OSBPL3: variants seen among roughly 807,000 people sequenced by gnomAD.
OSBPL3 encodes oxysterol-binding protein-related protein 3.
Under a neutral mutation model 120.1 loss-of-function variants are expected in OSBPL3, and 65 were observed. The observed-to-expected ratio is 0.54, with a 90% CI of 0.44 to 0.67. The LOEUF (loss-of-function observed/expected upper bound fraction) is 0.67, where lower values mean the gene tolerates loss of function less well. Ranked by LOEUF, OSBPL3 falls within the 30% of genes least tolerant of loss-of-function variation. OSBPL3 has a pLI of 0.00. For missense variants in OSBPL3, 1,004 were observed against 1,082.1 expected (o/e 0.93, Z 1.01); for synonymous variants, 416 against 402.6 (o/e 1.03, Z -0.40).
At chr7:24,976,033 A>G (rs1817549147) in intron 1 of OSBPL3, among the ~76,000 whole-genome samples, 1 of 152,224 alleles carries the variant, frequency 6.6e-6, no homozygotes, top group Admixed American at 6.5e-5. Context: ...CTGGATCGTG[A>G]CTTTAGGCTA....
rs1443981530 is a variant in OSBPL3, at chr7:24,834,031, A to G, written c.1746+455T>C. The G allele has an allele frequency of 3.9e-5, 34 of 876,284 alleles. No individual in the cohort carries two copies. The highest frequency in any genetic ancestry group is 4.4e-5 in the Non-Finnish European group (32 of 730,092). 54.3% of individuals were successfully genotyped at this position (876,284 alleles called of 1,614,324 possible). On this transcript the variant is annotated intron_variant, in intron 15 of 22. Coordinates refer to ENST00000313367, the MANE Select transcript of OSBPL3 (RefSeq NM_015550.4). This position sits in a 1 kb window ranked among gnomAD's most constrained non-coding sequence, Gnocchi z 5.2. ...TGTGAACTTTATTTTCCAAAAACCTAGGAGCTGATGGGACAATTCCAGAAA... is the reference window on the plus strand; with the variant it reads ...TGTGAACTTTATTTTCCAAAAACCTGGGAGCTGATGGGACAATTCCAGAAA...
chr7:24,878,355 G>A (rs6979475), intron 2 of OSBPL3, among the ~76,000 whole-genome samples: 36,335 of 152,094 alleles, frequency 0.24, 4,379 homozygotes, highest in Admixed American at 0.25. Context: ...TGGAAAACGG[G>A]TGTCCTGATT....
At chr7:24,844,121 C>G (rs1395868706) in intron 12 of OSBPL3, among the ~76,000 whole-genome samples, 2 of 152,200 alleles carry the variant, frequency 1.3e-5, no homozygotes, top group Admixed American at 6.5e-5. Context: ...CTGCTGCACC[C>G]CAAGTCTACA....
rs376764380 is a variant in OSBPL3, at chr7:24,871,934, A to T, written c.213+19T>A. 6.4e-7 allele frequency: 1 copy of T among 1,558,520 alleles called. No homozygotes were observed. The highest frequency in any genetic ancestry group is 1.1e-5 in the South Asian group (1 of 89,920). On this transcript the variant is annotated intron_variant, in intron 3 of 22. Coordinates refer to ENST00000313367, the MANE Select transcript of OSBPL3 (RefSeq NM_015550.4). The surrounding 1 kb of genome is among the most constrained non-coding windows in gnomAD (Gnocchi z 4.8). The stretch of plus-strand genomic sequence containing the variant: ...GGCAGTGTGAGTGCAAATAAAGGGG[A>T]GGCCAAGACCAACCTTACCTTATGC...
rs537576436 is a variant in OSBPL3 at position 24,900,483 on chromosome 7, G to A, written c.-149-7862C>T. Among the ~76,000 whole-genome samples the A allele has an allele frequency of 7.7e-4, 118 of 152,288 alleles. 1 individual carries two copies. The highest frequency in any genetic ancestry group is 2.7e-3 in the African/African-American group (114 of 41,552). On this transcript the variant is annotated intron_variant, in intron 1 of 22. Coordinates refer to ENST00000313367, the MANE Select transcript of OSBPL3 (RefSeq NM_015550.4). This position sits in a 1 kb window ranked among gnomAD's most constrained non-coding sequence, Gnocchi z 4.5. ...CAAGAACTTATCAATGAAGATACAT[G>A]AGGACTTAGTGTACATTTGTCAGGG...
intron 1 of OSBPL3, among the ~76,000 whole-genome samples, chr7:24,948,012 A>G (rs1813941139): frequency 6.6e-6 from 1 of 152,216 alleles, no homozygotes; most frequent in South Asian, 2.1e-4. Flanking sequence ...AAATAAAAAA[A>G]TCAAACTAAG....
intron 14 of OSBPL3, among the ~76,000 whole-genome samples, chr7:24,836,824 G>A (rs569532890): frequency 4.6e-5 from 7 of 152,190 alleles, no homozygotes; most frequent in East Asian, 1.9e-4. Context: ...TTCTGAATTT[G>A]TTTTGCTTTT....
rs1808973317 is a variant in OSBPL3 at position 24,912,554 on chromosome 7, C to A, written c.-149-19933G>T. 6.6e-6 allele frequency among the ~76,000 whole-genome samples: 1 copy of A among 152,168 alleles called. No homozygotes were observed. The highest frequency in any genetic ancestry group is 2.4e-5 in the African/African-American group (1 of 41,430). On this transcript the variant is annotated intron_variant, in intron 1 of 22. Coordinates refer to ENST00000313367, the MANE Select transcript of OSBPL3 (RefSeq NM_015550.4). This position sits in a 1 kb window ranked among gnomAD's most constrained non-coding sequence, Gnocchi z 4.5. ...GCAAAAGGCAACTCTCCCATCCTCA[C>A]ACCCAAAGACAGAACAGCCCCAGCA...
intron 1 of OSBPL3, among the ~76,000 whole-genome samples, chr7:24,944,076 TA>T (rs70942898): frequency 0.087 from 10,340 of 118,618 alleles, 815 homozygotes; most frequent in African/African-American, 0.25. Flanking sequence ...CAGTCTAAAG[TA>T]AAAAAAAAAA....
At chr7:24,909,778 T>C (rs1266252080) in intron 1 of OSBPL3, among the ~76,000 whole-genome samples, 6 of 130,038 alleles carry the variant, frequency 4.6e-5, no homozygotes, top group Non-Finnish European at 6.5e-5. Flanking sequence ...GTTTTTTTTT[T>C]CTTTCTTTTT....
intron 10 of OSBPL3, among the ~76,000 whole-genome samples, chr7:24,853,573 T>C (rs1233689440): frequency 6.6e-6 from 1 of 152,240 alleles, no homozygotes; most frequent in African/African-American, 2.4e-5. Context: ...TTGGGATAAC[T>C]GACAGCATTT....
chr7:24,869,073 T>C (rs1264890968), intron 5 of OSBPL3, among the ~76,000 whole-genome samples: 1 of 152,158 alleles, frequency 6.6e-6, no homozygotes, highest in Non-Finnish European at 1.5e-5. Flanking sequence ...GTCTAATAAC[T>C]AGAACGCTCA....
At chr7:24,957,087 C>T (rs556706042) in intron 1 of OSBPL3, among the ~76,000 whole-genome samples, 1 of 152,214 alleles carries the variant, frequency 6.6e-6, no homozygotes, top group Non-Finnish European at 1.5e-5. Context: ...TTAAGCCACT[C>T]TTGAAAGTTT....
rs1011512580 is a variant in OSBPL3 at position 24,804,407 on chromosome 7, A to G, written c.2475T>C (p.Ala825=). 4 of 1,613,810 alleles carry G rather than the reference A, an allele frequency of 2.5e-6. No individual in the cohort carries two copies. The African/African-American group carries it at 4.0e-5, about 16-fold the overall frequency. Residue 825 remains alanine (A), a synonymous_variant, in exon 22 of 23, where the codon GCT becomes GCC. Transcript: ENST00000313367. This position sits in a 1 kb window ranked among gnomAD's most constrained non-coding sequence, Gnocchi z 5.4. The part of the protein sequence containing the change: ...RFLEEGNLEE[A]EIQKQRIEQL... ...GTTCAATCCTCTGCTTTTGTATTTC[A>G]GCTTCTTCTAAGTTCCCTTCCTCTA... is the stretch of plus-strand genomic sequence containing the variant.
chr7:24,846,469 T>G (rs1798461586), intron 12 of OSBPL3, among the ~76,000 whole-genome samples: 2 of 152,212 alleles, frequency 1.3e-5, no homozygotes, highest in South Asian at 4.1e-4. Context: ...AAACAGACAT[T>G]AAAAGAATTA....
intron 20 of OSBPL3, 148 bp from the exon 21 acceptor site, chr7:24,807,050 G>T: frequency 1.5e-6 from 1 of 659,356 alleles, no homozygotes; most frequent in Non-Finnish European, 2.5e-6. Context: ...TAATGAACAG[G>T]CACTGAACAT....
intron 15 of OSBPL3, among the ~76,000 whole-genome samples, chr7:24,832,244 G>A (rs1487788766): frequency 6.8e-6 from 1 of 146,424 alleles, no homozygotes; most frequent in Non-Finnish European, 1.5e-5. Flanking sequence ...AGGCACGGTA[G>A]CTCACACCTG....
chr7:24,807,903 C>A (rs1166779753), intron 20 of OSBPL3, among the ~76,000 whole-genome samples: 1 of 152,094 alleles, frequency 6.6e-6, no homozygotes, highest in Non-Finnish European at 1.5e-5. Context: ...GCAGACCCCC[C>A]CTTTTTTTTT....
chr7:24,889,927 T>A (rs1027950278), intron 2 of OSBPL3, among the ~76,000 whole-genome samples: 3 of 152,170 alleles, frequency 2.0e-5, no homozygotes, highest in African/African-American at 4.8e-5. Flanking sequence ...TCCATCATCA[T>A]CATGGAACAG....
Sources: allele counts gnomAD v4.1 joint callset (sites outside exome capture counted in the v4.1 genomes callset), GRCh38; gene constraint gnomAD v4.1.1; non-coding constraint Gnocchi (gnomAD v3.1); transcripts MANE v1.5; gene names NCBI Gene and HGNC (gene_info 2026-07-23, HGNC 2026-07-21).